The following PDE4D variants were observed in gnomAD, a reference collection of about 807,000 sequenced individuals.
PDE4D encodes the protein 3',5'-cyclic-AMP phosphodiesterase 4D.
PDE4D carries 24 observed loss-of-function variants against 87.4 expected under a neutral mutation model. The ratio of observed to expected loss-of-function variants is 0.27; its 90% confidence interval spans 0.20 to 0.39. The LOEUF (loss-of-function observed/expected upper bound fraction) is 0.39, where lower values mean the gene tolerates loss of function less well. Among genes scored for constraint, PDE4D ranks in the 10% least tolerant of loss-of-function variants. The pLI, the probability that PDE4D is intolerant of heterozygous loss-of-function variation, is 1.00. For missense variants in PDE4D, 714 were observed against 1,041.0 expected (o/e 0.69, Z 4.32); for synonymous variants, 384 against 383.2 (o/e 1.00, Z -0.02).
intron 1 of PDE4D, among the ~76,000 whole-genome samples, chr5:60,277,417 C>T (rs560987692): frequency 6.6e-6 from 1 of 152,214 alleles, no homozygotes; most frequent in African/African-American, 2.4e-5. Context: ...CTGCAGAATA[C>T]ACAACCAACA....
upstream of PDE4D, among the ~76,000 whole-genome samples, chr5:59,894,162 C>G (rs1054088871): frequency 9.9e-5 from 15 of 152,112 alleles, no homozygotes; most frequent in African/African-American, 3.6e-4. Flanking sequence ...GACCTGTCCT[C>G]TTGATCCTTC....
chr5:59,126,257 C>G (rs1055775591), intron 5 of PDE4D, among the ~76,000 whole-genome samples: 4 of 152,070 alleles, frequency 2.6e-5, no homozygotes. Context: ...CAAAAAATAG[C>G]CAATACGACC....
At chr5:59,505,797 T>C (rs897766384) in intron 1 of PDE4D, among the ~76,000 whole-genome samples, 9 of 152,200 alleles carry the variant, frequency 5.9e-5, no homozygotes, top group African/African-American at 2.2e-4. Flanking sequence ...TGATAATCTC[T>C]GAATGTCTAA....
intron 1 of PDE4D, among the ~76,000 whole-genome samples, chr5:60,423,132 CA>C (rs767232762): frequency 3.9e-5 from 6 of 152,174 alleles, no homozygotes; most frequent in Non-Finnish European, 8.8e-5. Context: ...TTAGACCGAT[CA>C]ACCAGAGAGA....
chr5:60,491,789 T>C (rs182439146), upstream of PDE4D, among the ~76,000 whole-genome samples: 1 of 152,268 alleles, frequency 6.6e-6, no homozygotes, highest in Admixed American at 6.5e-5. Context: ...TCAGGCCACC[T>C]GGGTTCACAT....
chr5:60,258,853 T>G (rs1031910227), intron 1 of PDE4D, among the ~76,000 whole-genome samples: 1 of 151,948 alleles, frequency 6.6e-6, no homozygotes, highest in African/African-American at 2.4e-5. Context: ...TTCTATAACA[T>G]AGTTTCAAAT....
chr5:59,719,293 G>A (rs1755488709), intron 1 of PDE4D, among the ~76,000 whole-genome samples: 1 of 152,126 alleles, frequency 6.6e-6, no homozygotes, highest in Non-Finnish European at 1.5e-5. Context: ...CTACCAATGT[G>A]ATGGCCCTGA....
chr5:59,846,089 A>G lies in PDE4D; in HGVS notation c.455+47079T>C, dbSNP rs527389328. Among the ~76,000 whole-genome samples, 3 of 152,220 alleles carry G rather than the reference A, an allele frequency of 2.0e-5. No individual in the cohort carries two copies. The East Asian group carries it at 5.8e-4, about 30-fold the overall frequency. On this transcript the variant is annotated intron_variant, in intron 1 of 14. Transcript: ENST00000340635. Reference sequence around the variant, plus strand: ...TAAAATAATAACTCAGCTAAAATAGATACAAAAGCCCAATGACTCCCTGCT... The same window carrying G: ...TAAAATAATAACTCAGCTAAAATAGGTACAAAAGCCCAATGACTCCCTGCT...
chr5:60,043,832 A>G (rs1358532317), intron 2 of PDE4D, among the ~76,000 whole-genome samples: 1 of 152,208 alleles, frequency 6.6e-6, no homozygotes, highest in South Asian at 2.1e-4. Context: ...CTGGTGACAG[A>G]TTCAGCCTTT....
At chr5:60,382,232 G>A (rs894613978) in intron 1 of PDE4D, among the ~76,000 whole-genome samples, 1 of 151,982 alleles carries the variant, frequency 6.6e-6, no homozygotes, top group Non-Finnish European at 1.5e-5. Context: ...ATAAACTGGG[G>A]CAGAGAAAAG....
chr5:59,979,724 T>C (rs1761721544), intron 3 of PDE4D, among the ~76,000 whole-genome samples: 2 of 152,294 alleles, frequency 1.3e-5, no homozygotes, highest in Non-Finnish European at 2.9e-5. Flanking sequence ...CGGCTCCATC[T>C]ACTTCCTTTC....
intron 6 of PDE4D, among the ~76,000 whole-genome samples, chr5:59,028,774 G>T: frequency 6.6e-6 from 1 of 152,082 alleles, no homozygotes; most frequent in Non-Finnish European, 1.5e-5. Context: ...GAAAAATGTT[G>T]ATTGTTTAAA....
intron 1 of PDE4D, among the ~76,000 whole-genome samples, chr5:59,762,644 A>G (rs1243320108): frequency 7.3e-6 from 1 of 136,398 alleles, no homozygotes; most frequent in Non-Finnish European, 1.6e-5. Flanking sequence ...GGGTACACAT[A>G]TGTGTATATG....
chr5:59,310,352 T>A (rs1772330953), intron 1 of PDE4D, among the ~76,000 whole-genome samples: 1 of 152,208 alleles, frequency 6.6e-6, no homozygotes, highest in African/African-American at 2.4e-5. Flanking sequence ...ATGCAACTTC[T>A]TTCTCTGCTT....
chr5:59,211,461 T>C (rs1445647409), intron 2 of PDE4D, among the ~76,000 whole-genome samples: 1 of 152,196 alleles, frequency 6.6e-6, no homozygotes, highest in Non-Finnish European at 1.5e-5. Context: ...GATACTGCTA[T>C]GTATTTCATT....
chr5:59,145,744 A>G (rs1253357400), intron 5 of PDE4D, among the ~76,000 whole-genome samples: 1 of 152,186 alleles, frequency 6.6e-6, no homozygotes, highest in Non-Finnish European at 1.5e-5. Context: ...TGTCTGCGAA[A>G]TCATGTGGTG....
rs1807799338 is a variant in PDE4D, at chr5:59,499,196, A to T, written c.456-283228T>A. 4.6e-5 allele frequency among the ~76,000 whole-genome samples: 7 copies of T among 152,274 alleles called. No homozygotes were observed. The South Asian group carries it at 1.5e-3, about 32-fold the overall frequency. ...AAAATAAACAAAAAATTAAGGCAGA[A>T]GTCAAACTGTTATTTGAAACAAACA... On this transcript the variant is annotated intron_variant, in intron 1 of 14. Transcript: ENST00000340635.
intron 2 of PDE4D, among the ~76,000 whole-genome samples, chr5:60,029,210 G>T (rs1157567993): frequency 6.6e-6 from 1 of 152,104 alleles, no homozygotes; most frequent in Admixed American, 6.5e-5. Flanking sequence ...CTTATACCCA[G>T]TGTGAAAGGA....
intron 3 of PDE4D, among the ~76,000 whole-genome samples, chr5:59,980,756 A>AT (rs2152824816): frequency 6.6e-6 from 1 of 152,326 alleles, no homozygotes; most frequent in Non-Finnish European, 1.5e-5. Context: ...TCATGATCAT[A>AT]TTATTTTGTA....
Sources: allele counts gnomAD v4.1 joint callset (sites outside exome capture counted in the v4.1 genomes callset), GRCh38; gene constraint gnomAD v4.1.1; transcripts MANE v1.5; gene names NCBI Gene and HGNC (gene_info 2026-07-23, HGNC 2026-07-21).